ACOXL: variants seen among roughly 807,000 people sequenced by gnomAD.
ACOXL encodes acyl-CoA oxidase like, also known as acyl-coenzyme A oxidase-like protein.
In ACOXL, 70 loss-of-function variants were observed where a neutral mutation model predicts 71.9. That is an observed-to-expected ratio of 0.97 (90% CI 0.80 to 1.19). The LOEUF is 1.19. Among genes scored for constraint, ACOXL ranks in the 50% most tolerant of loss-of-function variants. The probability of loss-of-function intolerance (pLI) is 0.00; values close to 1 mark genes in which losing one functional copy is unlikely to be tolerated. For synonymous variants in ACOXL, 253 were observed against 281.6 expected (o/e 0.90, Z 1.02); for missense variants, 703 against 736.3 (o/e 0.95, Z 0.52).
At chr2:111,017,491 G>A (rs988318795) in intron 14 of ACOXL, among the ~76,000 whole-genome samples, 10 of 152,360 alleles carry the variant, frequency 6.6e-5, no homozygotes, top group Non-Finnish European at 1.3e-4. Flanking sequence ...TGCCACTAGA[G>A]GCCAAGTGGG....
intron 15 of ACOXL, among the ~76,000 whole-genome samples, chr2:111,033,877 C>A (rs573363384): frequency 6.6e-6 from 1 of 152,152 alleles, no homozygotes; most frequent in Non-Finnish European, 1.5e-5. Flanking sequence ...TGAGGATGGA[C>A]TATATGGACT....
chr2:110,852,226 G>T (rs1429891044), intron 10 of ACOXL, among the ~76,000 whole-genome samples: 1 of 152,180 alleles, frequency 6.6e-6, no homozygotes, highest in Non-Finnish European at 1.5e-5. Context: ...CTGGTGGATC[G>T]CTTGACAGTA....
intron 9 of ACOXL, among the ~76,000 whole-genome samples, chr2:110,834,112 G>A (rs1690168533): frequency 6.6e-6 from 1 of 152,060 alleles, no homozygotes; most frequent in African/African-American, 2.4e-5. Context: ...TTCCCTCTTA[G>A]TCCTTTCATG....
intron 10 of ACOXL, chr2:110,886,930 T>C: frequency 6.6e-7 from 1 of 1,515,778 alleles, no homozygotes; most frequent in Non-Finnish European, 8.9e-7. Flanking sequence ...TTCTGGGTTT[T>C]CCCGTGGCAG....
At chr2:110,879,988 A>G (rs1696414658) in intron 10 of ACOXL, among the ~76,000 whole-genome samples, 1 of 151,950 alleles carries the variant, frequency 6.6e-6, no homozygotes, top group Non-Finnish European at 1.5e-5. Context: ...TCTACTAAAA[A>G]TACAAAAATT....
At chr2:110,906,033 C>T (rs967246800) in intron 10 of ACOXL, among the ~76,000 whole-genome samples, 1 of 152,128 alleles carries the variant, frequency 6.6e-6, no homozygotes, top group Non-Finnish European at 1.5e-5. Context: ...GGTGTGCCTC[C>T]ATTGGGAAAC....
At chr2:110,736,476 A>G (rs1676856385) in intron 1 of ACOXL, among the ~76,000 whole-genome samples, 1 of 152,218 alleles carries the variant, frequency 6.6e-6, no homozygotes, top group Admixed American at 6.5e-5. Context: ...GGATTCATTT[A>G]GAATTTGTTC....
chr2:110,968,467 A>C, intron 12 of ACOXL: 1 of 1,279,282 alleles, frequency 7.8e-7, no homozygotes, highest in Non-Finnish European at 1.1e-6. Flanking sequence ...GTGCTACTTA[A>C]TGGAAGAAGA....
chr2:110,746,721 C>T (rs1457271442), intron 1 of ACOXL, among the ~76,000 whole-genome samples: 1 of 152,194 alleles, frequency 6.6e-6, no homozygotes, highest in Non-Finnish European at 1.5e-5. Flanking sequence ...CTTAAATTGA[C>T]TTAGGTCAGC....
At chr2:110,958,137 A>T (rs538664751) in intron 12 of ACOXL, among the ~76,000 whole-genome samples, 1 of 151,904 alleles carries the variant, frequency 6.6e-6, no homozygotes, top group African/African-American at 2.4e-5. Flanking sequence ...ATACACACGC[A>T]CACACACATG....
intron 12 of ACOXL, chr2:110,968,368 T>C (rs1360802895): frequency 8.7e-7 from 1 of 1,147,330 alleles, no homozygotes; most frequent in Non-Finnish European, 1.3e-6. Flanking sequence ...TAGTACCAGA[T>C]GATTCCCTGG....
intron 3 of ACOXL, among the ~76,000 whole-genome samples, chr2:110,792,035 C>A (rs567675963): frequency 3.5e-4 from 54 of 152,320 alleles, no homozygotes; most frequent in African/African-American, 1.3e-3. Context: ...GCTTCCATCC[C>A]TCCAGATTTC....
intron 9 of ACOXL, among the ~76,000 whole-genome samples, chr2:110,808,266 G>A (rs552439982): frequency 3.2e-4 from 48 of 152,230 alleles, no homozygotes; most frequent in South Asian, 8.3e-4. Flanking sequence ...TTGATTTTGC[G>A]CAGAGGTAAA....
chr2:110,846,641 GCACACACACA>G (rs61028803), intron 10 of ACOXL, among the ~76,000 whole-genome samples: 1 of 137,928 alleles, frequency 7.3e-6, no homozygotes, highest in Non-Finnish European at 1.6e-5. Context: ...ATGCATACAC[GCACACACACA>G]CACACACACA....
chr2:110,931,898 A>G (rs538653004), intron 11 of ACOXL, among the ~76,000 whole-genome samples: 106 of 152,358 alleles, frequency 7.0e-4, no homozygotes, highest in African/African-American at 2.2e-3. Flanking sequence ...CATCTACCGT[A>G]TGACTGAGCC....
intron 9 of ACOXL, among the ~76,000 whole-genome samples, chr2:110,835,924 TA>T (rs1339995901): frequency 6.6e-6 from 1 of 152,160 alleles, no homozygotes; most frequent in Non-Finnish European, 1.5e-5. Context: ...TTAATCGGCC[TA>T]AAACAACCCT....
intron 11 of ACOXL, among the ~76,000 whole-genome samples, chr2:110,910,347 A>G (rs1409682617): frequency 6.6e-6 from 1 of 152,234 alleles, no homozygotes. Flanking sequence ...TGAAATGACT[A>G]AACTGCAATT....
chr2:110,808,879 C>A (rs1686978985), intron 9 of ACOXL, among the ~76,000 whole-genome samples: 1 of 152,234 alleles, frequency 6.6e-6, no homozygotes, highest in Non-Finnish European at 1.5e-5. Context: ...CTAAAAGCTC[C>A]ACGCAGCTGG....
chr2:111,112,533 T>A (rs2070056291), intron 17 of ACOXL, among the ~76,000 whole-genome samples: 1 of 152,222 alleles, frequency 6.6e-6, no homozygotes, highest in Non-Finnish European at 1.5e-5. Flanking sequence ...CTTTACAGAA[T>A]GTTTGTCTAA....
Sources: gnomAD v4.1 joint callset for allele counts (sites outside exome capture counted in the v4.1 genomes callset) on GRCh38, gnomAD v4.1.1 for gene constraint, MANE v1.5 for transcripts, NCBI Gene and HGNC (gene_info 2026-07-23, HGNC 2026-07-21) for gene names.